The following HGSNAT variants were observed in gnomAD, a reference collection of about 807,000 sequenced individuals.
HGSNAT encodes transmembrane protein 76.
HGSNAT carries 59 observed loss-of-function variants against 85.2 expected under a neutral mutation model. The ratio of observed to expected loss-of-function variants is 0.69; its 90% CI spans 0.56 to 0.86. HGSNAT has a LOEUF of 0.86. Among genes scored for constraint, HGSNAT ranks in the 40% least tolerant of loss-of-function variants. The pLI, the probability that HGSNAT is intolerant of heterozygous loss-of-function variation, is 0.00. For missense variants in HGSNAT, 756 were observed against 777.1 expected (o/e 0.97, Z 0.32); for synonymous variants, 321 against 304.5 (o/e 1.05, Z -0.56).
intron 2 of HGSNAT, among the ~76,000 whole-genome samples, chr8:43,150,621 CA>C: frequency 6.6e-6 from 1 of 152,236 alleles, no homozygotes; most frequent in East Asian, 1.9e-4. Flanking sequence ...ATCACAAGGT[CA>C]GGAGATCGAG....
intron 1 of HGSNAT, among the ~76,000 whole-genome samples, chr8:43,141,763 C>T (rs1307055702): frequency 2.0e-5 from 3 of 152,120 alleles, no homozygotes; most frequent in African/African-American, 7.2e-5. Flanking sequence ...TCCACCCAAC[C>T]TTCATCTCCT....
Position 43,202,522 on chromosome 8 carries a change from G to A in HGSNAT, c.*2953G>A, listed in dbSNP as rs1011898601. ...CAACAGGTGCATGGCATCTCACAGG[G>A]AGGCAGGGAGGTGCGAGCTCCTAAG... On this transcript the variant is annotated 3_prime_UTR_variant, in exon 18 of 18. Coordinates refer to ENST00000379644, the MANE Select transcript of HGSNAT (RefSeq NM_152419.3). 2 of 152,224 alleles carry A rather than the reference G, an allele frequency of 1.3e-5. No homozygotes were observed. Among genetic ancestry groups the A allele is most frequent in the African/African-American group, 4.8e-5 (2 of 41,444 alleles). The allele number at this position is 152,224 out of a possible 1,614,324, so 9.4% of individuals were successfully genotyped here.
chr8:43,163,728 A>T (rs1803342905), intron 5 of HGSNAT, among the ~76,000 whole-genome samples: 3 of 151,906 alleles, frequency 2.0e-5, no homozygotes, highest in Non-Finnish European at 2.9e-5. Flanking sequence ...ATCTTGGCCA[A>T]GCTGGTCTTG....
At chr8:43,196,424 TCCTAGTGCTGC>T in intron 14 of HGSNAT, 1 of 1,287,916 alleles carries the variant, frequency 7.8e-7, no homozygotes, top group Non-Finnish European at 1.0e-6. Context: ...CGGTCCCTCT[TCCTAGTGCTGC>T]CCAGACTGGG....
At chr8:43,143,926 C>G (rs1802632790) in intron 1 of HGSNAT, among the ~76,000 whole-genome samples, 1 of 152,020 alleles carries the variant, frequency 6.6e-6, no homozygotes, top group Admixed American at 6.5e-5. Flanking sequence ...TGGGAGATCT[C>G]AACCATCACA....
chr8:43,161,492 T>G lies in HGSNAT; in HGVS notation c.548T>G (p.Leu183Arg). The G allele has an allele frequency of 2.5e-6, 4 of 1,608,894 alleles. No homozygotes were observed. Among genetic ancestry groups the G allele is most frequent in the Non-Finnish European group, 3.4e-6 (4 of 1,177,370 alleles). The change falls in exon 5 of 18, where the codon CTG (leucine) becomes CGG (arginine). Residue 183 changes from leucine (L) to arginine (R), a missense_variant. By Grantham distance (102) the Leu-to-Arg change is moderately radical. Coordinates refer to ENST00000379644, the MANE Select transcript of HGSNAT (RefSeq NM_152419.3). The stretch of plus-strand genomic sequence containing the variant: ...GCTGTCATCATTGTGATATCCTTTC[T>G]GAGGCTCTTGTTGAGGTAAGATATT... ...GLAVIIVISF[L>R]RLLLSLDDFN...
chr8:43,184,097 C>T (rs1333956263), intron 11 of HGSNAT, among the ~76,000 whole-genome samples: 13 of 152,254 alleles, frequency 8.5e-5, no homozygotes, highest in Non-Finnish European at 1.3e-4. Flanking sequence ...AATAAACATA[C>T]GTGTGCATGT....
At chr8:43,189,661 G>A (rs1804458099) in intron 11 of HGSNAT, among the ~76,000 whole-genome samples, 1 of 152,194 alleles carries the variant, frequency 6.6e-6, no homozygotes, top group African/African-American at 2.4e-5. Flanking sequence ...ACCTCAGTTG[G>A]AAATGCAGAA....
intron 10 of HGSNAT, chr8:43,181,772 C>T (rs1039027659): frequency 1.9e-5 from 4 of 215,838 alleles, no homozygotes; most frequent in African/African-American, 9.2e-5. Context: ...CTGCAAGGTC[C>T]TAGCAGACGT....
intron 2 of HGSNAT, among the ~76,000 whole-genome samples, chr8:43,154,833 C>T (rs564218000): frequency 4.3e-4 from 66 of 152,286 alleles, no homozygotes; most frequent in African/African-American, 1.2e-3. Flanking sequence ...TCCTATTTCT[C>T]CACATCCTCT....
chr8:43,182,591 G>A (rs531678060), intron 11 of HGSNAT, among the ~76,000 whole-genome samples: 61 of 152,038 alleles, frequency 4.0e-4, no homozygotes, highest in African/African-American at 1.3e-3. Context: ...CTACAGGAGC[G>A]CACCACCATG....
At chr8:43,193,518 C>G (rs1804610453) in intron 13 of HGSNAT, among the ~76,000 whole-genome samples, 1 of 152,170 alleles carries the variant, frequency 6.6e-6, no homozygotes, top group African/African-American at 2.4e-5. Flanking sequence ...ATCACAGTGG[C>G]TGCTGGACTG....
In HGSNAT at chr8:43,161,624, T is replaced by C. The variant is rs909652020; in HGVS notation, c.563+117T>C. 2.9e-5 allele frequency: 19 copies of C among 655,754 alleles called. No individual in the cohort carries two copies. In the Middle Eastern group the frequency reaches 3.0e-3, roughly 105 times the overall value. 40.6% of individuals were successfully genotyped at this position (655,754 alleles called of 1,614,324 possible). A position where few individuals can be genotyped will look rare whatever the true frequency, so the allele number is the denominator to read the frequency against. ...CTTCGATGATATGAACATTTCTGTG[T>C]CCCCCATGTCCATCCAGTGCTAGGC... On this transcript the variant is annotated intron_variant, in intron 5 of 17. Coordinates refer to ENST00000379644, the MANE Select transcript of HGSNAT (RefSeq NM_152419.3).
intron 1 of HGSNAT, 46 bp from the exon 2 acceptor site, chr8:43,146,902 C>T (rs895615341): frequency 1.5e-5 from 16 of 1,038,328 alleles, no homozygotes; most frequent in East Asian, 1.0e-4. Context: ...ACACATCTTT[C>T]GGGTGCCTTT....
chr8:43,164,674 G>A (rs867666762), intron 5 of HGSNAT, among the ~76,000 whole-genome samples: 2 of 152,090 alleles, frequency 1.3e-5, no homozygotes, highest in Non-Finnish European at 2.9e-5. Context: ...CCAGGTACTC[G>A]GGAGGCTGAG....
In HGSNAT at chr8:43,150,363, C is replaced by T. The variant is rs75372735; in HGVS notation, c.234+3300C>T. 4.1e-3 allele frequency among the ~76,000 whole-genome samples: 625 copies of T among 152,268 alleles called. 3 individuals are homozygous for T. Among genetic ancestry groups the T allele is most frequent in the African/African-American group, 0.013 (547 of 41,564 alleles). On this transcript the variant is annotated intron_variant, in intron 2 of 17. Transcript: ENST00000379644. The stretch of plus-strand genomic sequence containing the variant: ...AGACTGAGCCCTGCGAGGTAGTTCA[C>T]ACCTGTAATCCCAGCACTTTGGGAG...
chr8:43,198,828 T>C (rs1804821677), intron 17 of HGSNAT, among the ~76,000 whole-genome samples: 1 of 152,232 alleles, frequency 6.6e-6, no homozygotes, highest in African/African-American at 2.4e-5. Context: ...ATATAAGTTA[T>C]TAATAATAAT....
intron 4 of HGSNAT, among the ~76,000 whole-genome samples, chr8:43,159,735 C>G (rs185893837): frequency 1.2e-3 from 186 of 152,204 alleles, no homozygotes; most frequent in African/African-American, 4.3e-3. Flanking sequence ...TAGGAGTGAG[C>G]GTATAGTATT....
intron 2 of HGSNAT, 136 bp from the exon 3 acceptor site, chr8:43,158,439 A>C (rs1433414957): frequency 2.3e-6 from 2 of 867,074 alleles, no homozygotes; most frequent in African/African-American, 3.4e-5. Flanking sequence ...AATTTAAATT[A>C]TTGAAATGTA....
Sources: allele counts gnomAD v4.1 joint callset (sites outside exome capture counted in the v4.1 genomes callset), GRCh38; gene constraint gnomAD v4.1.1; transcripts MANE v1.5; gene names NCBI Gene and HGNC (gene_info 2026-07-23, HGNC 2026-07-21).